Variants in PLXNA4 observed in about 807,000 individuals in gnomAD.
PLXNA4 encodes the protein plexin-A4.
In PLXNA4, 44 loss-of-function variants were observed where a neutral mutation model predicts 191.8. The observed-to-expected ratio is 0.23, with a 90% CI of 0.18 to 0.29. PLXNA4 has a LOEUF of 0.29. PLXNA4 is among the 10% of genes least tolerant of loss of function. The pLI is 1.00. For synonymous variants in PLXNA4, 1,082 were observed against 1,009.5 expected (o/e 1.07, Z -1.36); for missense variants, 1,800 against 2,488.8 (o/e 0.72, Z 5.89).
intron 3 of PLXNA4, among the ~76,000 whole-genome samples, chr7:132,354,338 TG>T (rs982402007): frequency 2.0e-5 from 3 of 152,176 alleles, no homozygotes; most frequent in African/African-American, 7.2e-5. Context: ...TGAAACCCAC[TG>T]GGGTCTAAAA....
chr7:132,159,415 G>A, intron 25 of PLXNA4, 58 bp downstream of exon 25: 1 of 1,595,884 alleles, frequency 6.3e-7, no homozygotes, highest in Admixed American at 1.7e-5. Flanking sequence ...GACAGGAGAA[G>A]GTGAGGTGTG....
At chr7:132,332,818 C>T (rs990584848) in intron 3 of PLXNA4, among the ~76,000 whole-genome samples, 2 of 151,054 alleles carry the variant, frequency 1.3e-5, no homozygotes, top group African/African-American at 2.4e-5. Context: ...TGTGATCATG[C>T]CACTGTACTC....
chr7:132,373,245 C>T (rs1430837576), intron 3 of PLXNA4, among the ~76,000 whole-genome samples: 1 of 152,134 alleles, frequency 6.6e-6, no homozygotes, highest in Non-Finnish European at 1.5e-5. Flanking sequence ...TTGCTAAGTT[C>T]ACCTTTAGCC....
chr7:132,233,438 C>T (rs1798590092), intron 5 of PLXNA4, among the ~76,000 whole-genome samples: 1 of 152,214 alleles, frequency 6.6e-6, no homozygotes, highest in African/African-American at 2.4e-5. Context: ...ATGACTGATA[C>T]CATGGTCTCA....
At chr7:132,479,532 G>T (rs901030864) in intron 3 of PLXNA4, among the ~76,000 whole-genome samples, 1 of 152,218 alleles carries the variant, frequency 6.6e-6, no homozygotes, top group African/African-American at 2.4e-5. Flanking sequence ...CCTTCCACCC[G>T]CACCTTAGTG....
At chr7:132,159,382 T>C in intron 25 of PLXNA4, 91 bp downstream of exon 25, 1 of 1,557,816 alleles carries the variant, frequency 6.4e-7, no homozygotes, top group Non-Finnish European at 8.7e-7. Flanking sequence ...CCCTCAGATC[T>C]CTACCCCAGC....
At chr7:132,494,861 A>G (rs59519028) in intron 2 of PLXNA4, among the ~76,000 whole-genome samples, 10,814 of 152,200 alleles carry the variant, frequency 0.071, 897 homozygotes, top group African/African-American at 0.2. Flanking sequence ...CCCCAGGCTC[A>G]GGGGCAGAGC....
intron 13 of PLXNA4, among the ~76,000 whole-genome samples, chr7:132,197,812 C>T (rs569953284): frequency 5.9e-5 from 9 of 152,164 alleles, no homozygotes; most frequent in Non-Finnish European, 7.3e-5. Flanking sequence ...CTTATGCATA[C>T]AGCACAAGTG....
At chr7:132,384,659 T>G in intron 3 of PLXNA4, 1 of 994,300 alleles carries the variant, frequency 1.0e-6, no homozygotes, top group Non-Finnish European at 1.2e-6. Context: ...TTCTGAGCAC[T>G]GAGTTAATTA....
At chr7:132,284,910 T>C (rs1388187069) in intron 4 of PLXNA4, among the ~76,000 whole-genome samples, 1 of 152,096 alleles carries the variant, frequency 6.6e-6, no homozygotes, top group Non-Finnish European at 1.5e-5. Flanking sequence ...AGATGGAGTT[T>C]CACCATGTTG....
At chr7:132,272,705 A>T (rs1266286871) in intron 4 of PLXNA4, among the ~76,000 whole-genome samples, 1 of 152,146 alleles carries the variant, frequency 6.6e-6, no homozygotes, top group Non-Finnish European at 1.5e-5. Flanking sequence ...GCAACATTAC[A>T]CTTCTTATAG....
At chr7:132,337,676 T>G (rs1802872963) in intron 3 of PLXNA4, among the ~76,000 whole-genome samples, 2 of 152,150 alleles carry the variant, frequency 1.3e-5, no homozygotes, top group South Asian at 2.1e-4. Context: ...GCTTCAGTAG[T>G]TTTGGCAGGC....
intron 3 of PLXNA4, among the ~76,000 whole-genome samples, chr7:132,425,175 T>C (rs976092920): frequency 1.3e-5 from 2 of 152,182 alleles, no homozygotes; most frequent in Admixed American, 6.5e-5. Context: ...TACGTCTCCC[T>C]AGTGCCAAGA....
At chr7:132,145,011 C>G (rs920653464) in intron 29 of PLXNA4, 108 bp downstream of exon 29, 3 of 1,520,004 alleles carry the variant, frequency 2.0e-6, no homozygotes, top group Admixed American at 3.7e-5. Flanking sequence ...CTGATGAAAA[C>G]AGGCTCTGGC....
At chr7:132,343,325 C>T (rs941651380) in intron 3 of PLXNA4, among the ~76,000 whole-genome samples, 6 of 152,212 alleles carry the variant, frequency 3.9e-5, no homozygotes, top group African/African-American at 1.4e-4. Flanking sequence ...GTGCAACCAT[C>T]ACCACCATCC....
intron 3 of PLXNA4, among the ~76,000 whole-genome samples, chr7:132,477,906 C>T (rs746423840): frequency 6.6e-6 from 1 of 152,120 alleles, no homozygotes; most frequent in Non-Finnish European, 1.5e-5. Flanking sequence ...AAAATGGATA[C>T]ATTATGAGGC....
At chr7:132,181,752 G>C in intron 17 of PLXNA4, 132 bp from the exon 18 acceptor site, 1 of 1,449,984 alleles carries the variant, frequency 6.9e-7, no homozygotes, top group South Asian at 1.4e-5. Flanking sequence ...ATGAGTCAGG[G>C]CCACACAATT....
intron 3 of PLXNA4, among the ~76,000 whole-genome samples, chr7:132,403,741 G>C (rs558483216): frequency 1.3e-5 from 2 of 152,152 alleles, no homozygotes; most frequent in Non-Finnish European, 2.9e-5. Context: ...CACTTTGTGG[G>C]GTGGGAGGGA....
chr7:132,164,719 G>C, intron 23 of PLXNA4, among the ~76,000 whole-genome samples: 1 of 152,256 alleles, frequency 6.6e-6, no homozygotes, highest in East Asian at 1.9e-4. Flanking sequence ...CCTCCCAGGC[G>C]CATCCTTGGC....
Sources: allele counts gnomAD v4.1 joint callset (sites outside exome capture counted in the v4.1 genomes callset), GRCh38; gene constraint gnomAD v4.1.1; transcripts MANE v1.5; gene names NCBI Gene and HGNC (gene_info 2026-07-23, HGNC 2026-07-21).